The following FCN3 variants were observed in gnomAD, a reference collection of about 807,000 sequenced individuals.
FCN3 encodes ficolin 3.
FCN3 carries 28 observed loss-of-function variants against 31.5 expected under a neutral mutation model. The ratio of observed to expected loss-of-function variants is 0.89; its 90% confidence interval spans 0.66 to 1.22. The LOEUF is 1.22. Among genes scored for constraint, FCN3 ranks in the 50% most tolerant of loss-of-function variants. The pLI, the probability that FCN3 is intolerant of heterozygous loss-of-function variation, is 0.00. For missense variants in FCN3, 351 were observed against 386.8 expected (o/e 0.91, Z 0.78); for synonymous variants, 124 against 147.4 (o/e 0.84, Z 1.15).
At chr1:27,374,092 T>C in intron 2 of FCN3, 83 bp from the exon 3 acceptor site, 3 of 1,285,428 alleles carry the variant, frequency 2.3e-6, no homozygotes, top group Non-Finnish European at 3.3e-6. Context: ...AGCCAGAGGT[T>C]CAAATCCCAG....
At position 27,370,664 on chromosome 1, in the gene FCN3, G is replaced by T. The variant is rs766167339; in HGVS notation, c.590C>A (p.Thr197Asn). Reference protein sequence around the residue: ...NGNRTFAHYATFRLLGEVDHY... With the variant: ...NGNRTFAHYANFRLLGEVDHY... ...GTCTACCTCACCGAGGAGGCGGAAGGTCGCATAGTGGGCGAAAGTACGGTT... is the reference window on the plus strand; with the variant it reads ...GTCTACCTCACCGAGGAGGCGGAAGTTCGCATAGTGGGCGAAAGTACGGTT... The change falls in exon 7 of 8, where the codon ACC becomes AAC. Residue 197 changes from threonine to asparagine, a missense_variant. Coordinates refer to ENST00000270879, the MANE Select transcript of FCN3 (RefSeq NM_003665.4). 4 of 1,614,242 alleles carry T rather than the reference G, an allele frequency of 2.5e-6. No homozygotes were observed. The East Asian group carries it at 6.7e-5, about 27-fold the overall frequency.
At chr1:27,374,186 G>A in intron 2 of FCN3, 170 bp downstream of exon 2, 1 of 718,234 alleles carries the variant, frequency 1.4e-6, no homozygotes, top group Non-Finnish European at 2.4e-6. Flanking sequence ...GAATGGGGAT[G>A]AAACCACTTA....
At chr1:27,369,517 C>T (rs760700797) in intron 7 of FCN3, 40 bp from the exon 8 acceptor site, 3 of 1,591,582 alleles carry the variant, frequency 1.9e-6, no homozygotes, top group Non-Finnish European at 2.6e-6. Context: ...GTGCCCAGCA[C>T]CACGCCTGGC....
Position 27,374,134 on chromosome 1 carries a change from C to A in FCN3, c.188-125G>T, listed in dbSNP as rs573644095. On this transcript the variant is annotated intron_variant, in intron 2 of 7. Transcript: ENST00000270879. Reference sequence around the variant, plus strand: ...CCTTCACTCACTTTGTGATTGCGGGCAAATATCTTATCCTCTCTGAACCTC... The same window carrying A: ...CCTTCACTCACTTTGTGATTGCGGGAAAATATCTTATCCTCTCTGAACCTC... 9.0e-6 allele frequency: 8 copies of A among 887,478 alleles called. No individual in the cohort carries two copies. In the African/African-American group the frequency reaches 1.3e-4, roughly 15 times the overall value. 55.0% of individuals were successfully genotyped at this position (887,478 alleles called of 1,614,324 possible).
In FCN3 at chr1:27,369,160, G is replaced by T; in HGVS notation, c.*76C>A. The stretch of plus-strand genomic sequence containing the variant: ...TTTAAATGTGGACAGGCAAGCAGAG[G>T]TGGTTGGCAAAGGCAAGGTGGCTGA... On this transcript the variant is annotated 3_prime_UTR_variant, in exon 8 of 8. Transcript: ENST00000270879. 1 of 1,557,012 alleles carries T rather than the reference G, an allele frequency of 6.4e-7. No individual in the cohort carries two copies. Among genetic ancestry groups the T allele is most frequent in the Non-Finnish European group, 8.8e-7 (1 of 1,133,272 alleles).
intron 6 of FCN3, 27 bp downstream of exon 6, chr1:27,370,816 G>C: frequency 6.2e-7 from 1 of 1,611,840 alleles, no homozygotes; most frequent in Non-Finnish European, 8.5e-7. Flanking sequence ...GTAACCCCCA[G>C]ACTCCAGGAC....
chr1:27,371,186 C>A (rs1312128600), intron 5 of FCN3, among the ~76,000 whole-genome samples: 2 of 152,226 alleles, frequency 1.3e-5, no homozygotes, highest in African/African-American at 2.4e-5. Context: ...CACAGCCTTG[C>A]AAGCCCTGGG....
At chr1:27,370,011 T>C (rs1253937009) in intron 7 of FCN3, among the ~76,000 whole-genome samples, 1 of 63,226 alleles carries the variant, frequency 1.6e-5, no homozygotes, top group Admixed American at 1.3e-4. Context: ...CCCCCCGCCT[T>C]TTTTTTTTTT....
At chr1:27,373,835 C>T (rs2016197192) in intron 3 of FCN3, 130 bp downstream of exon 3, 1 of 839,750 alleles carries the variant, frequency 1.2e-6, no homozygotes, top group Non-Finnish European at 1.9e-6. Context: ...CTAATCCTTC[C>T]CACTCCTCCC....
In FCN3 at chr1:27,370,911, G is replaced by C; in HGVS notation, c.455C>G (p.Ala152Gly). The change falls in exon 6 of 8, where the codon GCA (alanine) becomes GGA (glycine). Residue 152 changes from alanine to glycine, a missense_variant. Transcript: ENST00000270879. ...DFFRSWSSYR[A>G]GFGNQESEFW... The stretch of plus-strand genomic sequence containing the variant: ...TTCAGACTCTTGGTTCCCAAAACCT[G>C]CTCTGTAGGAGGACCAAGAGCGGAA... 6.2e-7 allele frequency: 1 copy of C among 1,614,000 alleles called. No homozygotes were observed. The highest frequency in any genetic ancestry group is 1.7e-5 in the Admixed American group (1 of 60,008).
chr1:27,373,182 G>C lies in FCN3; in HGVS notation c.347C>G (p.Ala116Gly). The change falls in exon 5 of 8, where the codon GCC (alanine) becomes GGC (glycine). Residue 116 changes from alanine (A) to glycine (G), a missense_variant. Ala to Gly is a moderately conservative substitution (Grantham distance 60). Coordinates refer to ENST00000270879, the MANE Select transcript of FCN3 (RefSeq NM_003665.4). ...WYHLCLPEGR[A>G]LPVFCDMDTE... The stretch of plus-strand genomic sequence containing the variant: ...GTCCATGTCACAAAAGACTGGGAGG[G>C]CCCTGCCCTCAGGTAGGCACAGATG... The C allele has an allele frequency of 3.1e-6, 5 of 1,613,102 alleles. No individual in the cohort carries two copies. Among genetic ancestry groups the C allele is most frequent in the Non-Finnish European group, 4.2e-6 (5 of 1,179,236 alleles).
chr1:27,374,066 G>A (rs746844409), intron 2 of FCN3, 57 bp from the exon 3 acceptor site: 3 of 1,492,996 alleles, frequency 2.0e-6, no homozygotes, highest in Non-Finnish European at 2.8e-6. Flanking sequence ...GGACCAAAAA[G>A]AAACAAGAGA....
intron 5 of FCN3, among the ~76,000 whole-genome samples, chr1:27,371,761 A>G (rs768281827): frequency 4.6e-5 from 7 of 151,242 alleles, no homozygotes; most frequent in Non-Finnish European, 8.8e-5. Context: ...GTCTTATTTT[A>G]TTTATTTATT....
chr1:27,373,843 C>G lies in FCN3; in HGVS notation c.232+122G>C, dbSNP rs1364969116. The G allele has an allele frequency of 1.7e-5, 15 of 890,972 alleles. No homozygotes were observed. In the Admixed American group the frequency reaches 3.2e-4, roughly 19 times the overall value. The allele number at this position is 890,972 out of a possible 1,614,324, so 55.2% of individuals were successfully genotyped here. On this transcript the variant is annotated intron_variant, in intron 3 of 7. Transcript: ENST00000270879. Reference sequence around the variant, plus strand: ...CCTTCTCCTAATCCTTCCCACTCCTCCCAGCCATCCATTCCCCTGTGAGAG... The same window carrying G: ...CCTTCTCCTAATCCTTCCCACTCCTGCCAGCCATCCATTCCCCTGTGAGAG...
chr1:27,369,967 G>A (rs1266789791), intron 7 of FCN3, among the ~76,000 whole-genome samples: 3 of 151,282 alleles, frequency 2.0e-5, no homozygotes, highest in Non-Finnish European at 2.9e-5. Context: ...AGCCTCAGGC[G>A]GCACCCAAAA....
At position 27,370,595 on chromosome 1, in the gene FCN3, C is replaced by T. The variant is rs1333995009; in HGVS notation, c.658+1G>A. 2.5e-6 allele frequency: 4 copies of T among 1,613,942 alleles called. No homozygotes were observed. The highest frequency in any genetic ancestry group is 1.1e-5 in the South Asian group (1 of 91,060). On this transcript the variant is annotated splice_donor_variant, in intron 7 of 7. Coordinates refer to ENST00000270879, the MANE Select transcript of FCN3 (RefSeq NM_003665.4). LOFTEE classifies it high-confidence loss of function. ...CCTCTGCTCCCCTTAGGCTCACTCA[C>T]CTGCAGTGCCCTCTGAGAACTTGCC...
At chr1:27,372,773 ATTTTTTT>A in intron 5 of FCN3, among the ~76,000 whole-genome samples, 2 of 96,436 alleles carry the variant, frequency 2.1e-5, no homozygotes, top group East Asian at 6.0e-4. Flanking sequence ...TCCCTACCCT[ATTTTTTT>A]TTTTTTTTTT....
At chr1:27,371,704 T>G (rs1375344749) in intron 5 of FCN3, among the ~76,000 whole-genome samples, 2 of 152,204 alleles carry the variant, frequency 1.3e-5, no homozygotes, top group Non-Finnish European at 2.9e-5. Context: ...AGGCCCCAGG[T>G]CCTATAGAGT....
intron 5 of FCN3, 71 bp downstream of exon 5, chr1:27,373,065 G>C: frequency 1.9e-6 from 3 of 1,547,038 alleles, no homozygotes; most frequent in Non-Finnish European, 1.8e-6. Context: ...GTGGGTTCTG[G>C]CTCCCCTAGG....
Sources: allele counts gnomAD v4.1 joint callset (sites outside exome capture counted in the v4.1 genomes callset), GRCh38; gene constraint gnomAD v4.1.1; transcripts MANE v1.5; gene names NCBI Gene and HGNC (gene_info 2026-07-23, HGNC 2026-07-21).